Variants in TMBIM4 observed in about 807,000 individuals in gnomAD.
The protein encoded by TMBIM4 is protein lifeguard 4.
A neutral mutation model predicts 27.7 loss-of-function variants in TMBIM4; 28 were observed. The observed-to-expected ratio is 1.01, with a 90% CI of 0.75 to 1.38. The LOEUF (loss-of-function observed/expected upper bound fraction) is 1.38, where lower values mean the gene tolerates loss of function less well. TMBIM4 is among the 40% of genes most tolerant of loss of function. The probability of loss-of-function intolerance (pLI) is 0.00; values close to 1 mark genes in which losing one functional copy is unlikely to be tolerated. For synonymous variants in TMBIM4, 115 were observed against 113.1 expected, an observed-to-expected ratio of 1.02 and a Z score of -0.11; for missense variants, 265 against 277.5, an observed-to-expected ratio of 0.95 and a Z score of 0.32.
chr12:66,147,632 T>A (rs2051773539), intron 4 of TMBIM4, among the ~76,000 whole-genome samples: 1 of 152,212 alleles, frequency 6.6e-6, no homozygotes, highest in Non-Finnish European at 1.5e-5. Context: ...AGGGAAAAGA[T>A]TAGCTATAGT....
rs35243693 is a variant in TMBIM4 at position 66,136,654 on chromosome 12, TAC to T, written c.*1304_*1305del. 0.32 allele frequency: 48,093 copies of T among 151,968 alleles called. 7,879 individuals carry two copies. The highest frequency in any genetic ancestry group is 0.41 in the South Asian group (1,977 of 4,806). The allele number at this position is 151,968 out of a possible 1,614,324, so 9.4% of individuals were successfully genotyped here. A position where few individuals can be genotyped will look rare whatever the true frequency, so the allele number is the denominator to read the frequency against. On this transcript the variant is annotated 3_prime_UTR_variant, in exon 7 of 7. Coordinates refer to ENST00000358230, the MANE Select transcript of TMBIM4 (RefSeq NM_016056.4). ...AAGAAGAAATTTGGGCACAGACAAG[TAC>T]AGAGGGAAGGCCATTTAAAGACACA... is the stretch of plus-strand genomic sequence containing the variant.
intron 1 of TMBIM4, among the ~76,000 whole-genome samples, chr12:66,168,025 G>T (rs1272583455): frequency 6.6e-6 from 1 of 151,958 alleles, no homozygotes; most frequent in Non-Finnish European, 1.5e-5. Flanking sequence ...TTCAAGATCG[G>T]ATGGGGCAAC....
intron 1 of TMBIM4, among the ~76,000 whole-genome samples, chr12:66,163,492 T>C (rs1007091652): frequency 6.6e-6 from 1 of 152,066 alleles, no homozygotes; most frequent in Non-Finnish European, 1.5e-5. Context: ...AACATGTCCT[T>C]CTTCTCATGA....
chr12:66,169,824 G>T (rs369027532), intron 1 of TMBIM4, 31 bp downstream of exon 1: 1 of 1,486,232 alleles, frequency 6.7e-7, no homozygotes, highest in Non-Finnish European at 9.0e-7. Context: ...CAGACAAGCG[G>T]CTGGGAGGCA....
intron 3 of TMBIM4, among the ~76,000 whole-genome samples, chr12:66,149,528 T>C (rs2051810461): frequency 6.6e-6 from 1 of 151,562 alleles, no homozygotes; most frequent in Non-Finnish European, 1.5e-5. Context: ...TTGCTATTTA[T>C]GACAAGATTT....
intron 3 of TMBIM4, 69 bp downstream of exon 3, chr12:66,152,202 T>C: frequency 1.2e-6 from 1 of 821,904 alleles, no homozygotes; most frequent in East Asian, 3.1e-5. Context: ...GTTATATATG[T>C]ATTATATATG....
At chr12:66,146,912 C>G (rs2051761394) in intron 4 of TMBIM4, among the ~76,000 whole-genome samples, 1 of 152,104 alleles carries the variant, frequency 6.6e-6, no homozygotes, top group African/African-American at 2.4e-5. Context: ...ATTGCAATTA[C>G]TGAGGAAAAT....
At chr12:66,165,777 T>G (rs1415976426) in intron 1 of TMBIM4, among the ~76,000 whole-genome samples, 2 of 152,234 alleles carry the variant, frequency 1.3e-5, no homozygotes, top group Non-Finnish European at 2.9e-5. Flanking sequence ...AAAATCAGGT[T>G]GTTTTTTGTT....
chr12:66,155,361 G>GAGAGAGAGAGAGAGAGAGAGAGT (rs1353460191), intron 1 of TMBIM4, among the ~76,000 whole-genome samples: 1 of 78,022 alleles, frequency 1.3e-5, no homozygotes. Context: ...AGAGAGAGAG[G>GAGAGAGAGAGAGAGAGAGAGAGT]CAGGGTCTCA....
At chr12:66,153,474 C>G (rs1383043990) in intron 1 of TMBIM4, 26 bp from the exon 2 acceptor site, 1 of 1,332,286 alleles carries the variant, frequency 7.5e-7, no homozygotes, top group Non-Finnish European at 1.0e-6. Context: ...AATTACATTA[C>G]TATTTTCTTA....
chr12:66,169,396 C>T, intron 1 of TMBIM4: 1 of 594,890 alleles, frequency 1.7e-6, no homozygotes, highest in Non-Finnish European at 3.0e-6. Flanking sequence ...TCCAGCCTAG[C>T]ACAGGACGGT....
chr12:66,160,789 G>A (rs1565787992), intron 1 of TMBIM4, among the ~76,000 whole-genome samples: 1 of 152,198 alleles, frequency 6.6e-6, no homozygotes, highest in East Asian at 1.9e-4. Context: ...TCACTTCCCA[G>A]ACAGGGCGGC....
chr12:66,153,495 A>G (rs1592545764), intron 1 of TMBIM4, 47 bp from the exon 2 acceptor site: 1 of 1,136,434 alleles, frequency 8.8e-7, no homozygotes. Flanking sequence ...ACCATTTATC[A>G]TAGAACAGTA....
intron 1 of TMBIM4, among the ~76,000 whole-genome samples, chr12:66,166,446 CA>C (rs1253549142): frequency 1.7e-5 from 2 of 116,154 alleles, no homozygotes; most frequent in Admixed American, 2.3e-4. Context: ...GTCTGAGAGA[CA>C]GAGTGATACT....
chr12:66,156,652 G>A (rs1475651334), intron 1 of TMBIM4, among the ~76,000 whole-genome samples: 1 of 152,134 alleles, frequency 6.6e-6, no homozygotes, highest in South Asian at 2.1e-4. Context: ...AATAAAATGT[G>A]AAAGATTTTA....
chr12:66,153,246 A>C (rs2051878503), intron 2 of TMBIM4, 94 bp downstream of exon 2: 1 of 774,516 alleles, frequency 1.3e-6, no homozygotes, highest in South Asian at 1.6e-5. Context: ...TTTAACCTCA[A>C]AAGTTAATAG....
In TMBIM4 at chr12:66,161,294, G is replaced by A. The variant is rs75345762; in HGVS notation, c.98-7846C>T. The A allele has an allele frequency of 3.7e-3, 571 of 152,652 alleles. 12 individuals carry two copies. In the East Asian group the frequency reaches 0.061, roughly 16 times the overall value. 9.5% of individuals were successfully genotyped at this position (152,652 alleles called of 1,614,324 possible). A position where few individuals can be genotyped will look rare whatever the true frequency, so the allele number is the denominator to read the frequency against. On this transcript the variant is annotated intron_variant, in intron 1 of 6. Coordinates refer to ENST00000358230, the MANE Select transcript of TMBIM4 (RefSeq NM_016056.4). ...CTTGCTCTGTCGCCCAGGGTGGAGT[G>A]CAGTGGCGCGATCTCGGCTCACTGC...
chr12:66,141,401 T>C (rs1450917944), intron 5 of TMBIM4, among the ~76,000 whole-genome samples: 2 of 152,078 alleles, frequency 1.3e-5, no homozygotes, highest in Admixed American at 6.6e-5. Flanking sequence ...TAAAGTCATA[T>C]ATTATAAAAC....
chr12:66,140,483 AAAAAAAAC>A (rs2051650811), intron 5 of TMBIM4, among the ~76,000 whole-genome samples: 6 of 151,446 alleles, frequency 4.0e-5, no homozygotes, highest in African/African-American at 1.4e-4. Context: ...ACAAACAAAC[AAAAAAAAC>A]AGAACAGTGA....
Sources: allele counts gnomAD v4.1 joint callset (sites outside exome capture counted in the v4.1 genomes callset), GRCh38; gene constraint gnomAD v4.1.1; transcripts MANE v1.5; gene names NCBI Gene and HGNC (gene_info 2026-07-23, HGNC 2026-07-21).